The following IL26 variants were observed in gnomAD, a reference collection of about 807,000 sequenced individuals.
The protein encoded by IL26 is interleukin-26.
A neutral mutation model predicts 21.7 loss-of-function variants in IL26; 23 were observed. The observed-to-expected ratio is 1.06, with a 90% confidence interval of 0.76 to 1.50. The LOEUF (loss-of-function observed/expected upper bound fraction) is 1.50, where lower values mean the gene tolerates loss of function less well. IL26 is among the 40% of genes most tolerant of loss of function. IL26 has a pLI of 0.00. For missense variants in IL26, 204 were observed against 196.0 expected, an observed-to-expected ratio of 1.04 and a Z score of -0.24; for synonymous variants, 63 against 67.8, an observed-to-expected ratio of 0.93 and a Z score of 0.34.
At chr12:68,220,601 T>C (rs1156364691) in intron 3 of IL26, among the ~76,000 whole-genome samples, 3 of 152,210 alleles carry the variant, frequency 2.0e-5, no homozygotes, top group African/African-American at 4.8e-5. Flanking sequence ...AAAAAACTAT[T>C]ATATTGTACT....
intron 1 of IL26, 23 bp downstream of exon 1, chr12:68,225,563 T>C (rs906114068): frequency 6.2e-7 from 1 of 1,613,250 alleles, no homozygotes; most frequent in South Asian, 1.1e-5. Context: ...AGGTCATGAT[T>C]TTAAGCAGAG....
At chr12:68,212,807 T>G (rs1431556668) in intron 3 of IL26, among the ~76,000 whole-genome samples, 1 of 152,158 alleles carries the variant, frequency 6.6e-6, no homozygotes. Flanking sequence ...CTTTAGGATA[T>G]TTTGAATATA....
intron 3 of IL26, among the ~76,000 whole-genome samples, chr12:68,221,940 T>C (rs1197555142): frequency 6.6e-6 from 1 of 152,252 alleles, no homozygotes; most frequent in Non-Finnish European, 1.5e-5. Context: ...GCTCTTGATA[T>C]GTGAAAATTT....
intron 3 of IL26, among the ~76,000 whole-genome samples, chr12:68,206,850 C>T (rs1868557721): frequency 6.6e-6 from 1 of 152,176 alleles, no homozygotes; most frequent in African/African-American, 2.4e-5. Flanking sequence ...TTGTCTGCTG[C>T]CTCTTGGTTG....
intron 3 of IL26, among the ~76,000 whole-genome samples, chr12:68,205,962 T>C (rs766101479): frequency 6.6e-6 from 1 of 152,238 alleles, no homozygotes; most frequent in Non-Finnish European, 1.5e-5. Flanking sequence ...AGTCGTCTTC[T>C]GCTAATTCCT....
intron 3 of IL26, among the ~76,000 whole-genome samples, chr12:68,215,587 G>T (rs895171560): frequency 6.6e-6 from 1 of 152,104 alleles, no homozygotes; most frequent in African/African-American, 2.4e-5. Flanking sequence ...CATTAACCAA[G>T]AAATGAATTT....
intron 3 of IL26, among the ~76,000 whole-genome samples, chr12:68,217,761 T>A (rs1868926303): frequency 6.6e-6 from 1 of 152,044 alleles, no homozygotes; most frequent in Non-Finnish European, 1.5e-5. Context: ...TCAAGCTAAA[T>A]CTGATCAAGT....
intron 3 of IL26, 132 bp downstream of exon 3, chr12:68,225,017 C>G: frequency 1.3e-6 from 1 of 778,528 alleles, no homozygotes; most frequent in East Asian, 2.6e-5. Flanking sequence ...GTGATGACCT[C>G]TCCATTTGGA....
rs11571045 is a variant in IL26 at position 68,207,810 on chromosome 12, A to G, written c.364-5727T>C. ...TGTCTGTGTGTATAGGTTTTGATAC[A>G]TTTTAACTTTTTATAATAGATTTGT... is the stretch of plus-strand genomic sequence containing the variant. On this transcript the variant is annotated intron_variant, in intron 3 of 4. Transcript: ENST00000229134. Among the ~76,000 whole-genome samples the G allele has an allele frequency of 4.6e-3, 697 of 152,296 alleles. 5 individuals are homozygous for G. Among genetic ancestry groups the G allele is most frequent in the South Asian group, 0.039 (190 of 4,826 alleles).
rs747325527 is a variant in IL26, at chr12:68,225,176, A to G, written c.336T>C (p.His112=). The G allele has an allele frequency of 6.2e-7, 1 of 1,613,090 alleles. No individual in the cohort carries two copies. Among genetic ancestry groups the G allele is most frequent in the South Asian group, 1.1e-5 (1 of 90,716 alleles). ...AGTGGCTCAATTTCTGCCTAAGGCT[A>G]TGAAAGTCCTCCACAAAGCGTATTT... The part of the protein sequence containing the change: ...CKKIRFVEDF[H]SLRQKLSHCI... The change falls in exon 3 of 5, where the codon CAT becomes CAC. Residue 112 remains histidine (H), a synonymous_variant. Transcript: ENST00000229134.
At chr12:68,206,813 G>C (rs917068184) in intron 3 of IL26, among the ~76,000 whole-genome samples, 1 of 152,172 alleles carries the variant, frequency 6.6e-6, no homozygotes, top group South Asian at 2.1e-4. Flanking sequence ...TTCCTTCCCA[G>C]TGATTGTTTT....
chr12:68,225,559 T>C (rs186924643), intron 1 of IL26, 27 bp downstream of exon 1: 34 of 1,612,910 alleles, frequency 2.1e-5, no homozygotes, highest in African/African-American at 4.0e-5. Flanking sequence ...CTTGAGGTCA[T>C]GATTTTAAGC....
At chr12:68,208,275 G>A (rs936415795) in intron 3 of IL26, among the ~76,000 whole-genome samples, 1 of 152,186 alleles carries the variant, frequency 6.6e-6, no homozygotes, top group Non-Finnish European at 1.5e-5. Flanking sequence ...GCAGGAAGAA[G>A]AGATGAGTAG....
At chr12:68,211,254 T>C (rs998756911) in intron 3 of IL26, among the ~76,000 whole-genome samples, 3 of 152,224 alleles carry the variant, frequency 2.0e-5, no homozygotes, top group Non-Finnish European at 2.9e-5. Context: ...TTGCTGCAAA[T>C]GACAGAATTT....
intron 3 of IL26, among the ~76,000 whole-genome samples, chr12:68,205,665 A>G (rs1323062965): frequency 6.6e-5 from 10 of 152,030 alleles, no homozygotes; most frequent in Non-Finnish European, 1.0e-4. Context: ...GAGGCAGGAG[A>G]GGCAGGCACT....
rs1319121673 is a variant in IL26, at chr12:68,225,713, G to C, written c.44C>G (p.Thr15Ser). 6.2e-7 allele frequency: 1 copy of C among 1,613,934 alleles called. No individual in the cohort carries two copies. The highest frequency in any genetic ancestry group is 2.2e-5 in the East Asian group (1 of 44,874). The part of the protein sequence containing the change: ...FILRCGLLLV[T>S]LSLAIAKHKQ... ...GTGCTTGGCAATGGCAAGAGACAGA[G>C]TGACTAACAGCAACCCACACCTCAA... Residue 15 changes from threonine to serine, a missense_variant, in exon 1 of 5, where the codon ACT becomes AGT. By Grantham distance (58) the Thr-to-Ser change is moderately conservative. Coordinates refer to ENST00000229134, the MANE Select transcript of IL26 (RefSeq NM_018402.2).
At chr12:68,219,279 G>A (rs1466816683) in intron 3 of IL26, among the ~76,000 whole-genome samples, 4 of 151,806 alleles carry the variant, frequency 2.6e-5, no homozygotes, top group African/African-American at 9.7e-5. Context: ...CCAAATTCTG[G>A]GTTATGAAAC....
At chr12:68,217,676 T>C (rs1868924077) in intron 3 of IL26, among the ~76,000 whole-genome samples, 1 of 152,106 alleles carries the variant, frequency 6.6e-6, no homozygotes, top group Non-Finnish European at 1.5e-5. Flanking sequence ...GTTATCATCG[T>C]AAAAATAAAG....
At chr12:68,209,773 A>C (rs1868655269) in intron 3 of IL26, among the ~76,000 whole-genome samples, 2 of 152,140 alleles carry the variant, frequency 1.3e-5, no homozygotes, top group South Asian at 4.2e-4. Context: ...TGAGGAAAGG[A>C]GATAGTGGGT....
Sources: allele counts gnomAD v4.1 joint callset (sites outside exome capture counted in the v4.1 genomes callset), GRCh38; gene constraint gnomAD v4.1.1; transcripts MANE v1.5; gene names NCBI Gene and HGNC (gene_info 2026-07-23, HGNC 2026-07-21).